The following FAT4 variants were observed in gnomAD, a reference collection of about 807,000 sequenced individuals.
FAT4 encodes the protein FAT atypical cadherin 4.
Under a neutral mutation model 303.9 loss-of-function variants are expected in FAT4, and 84 were observed. The ratio of observed to expected loss-of-function variants is 0.28; its 90% confidence interval spans 0.23 to 0.33. The LOEUF is 0.33. Ranked by LOEUF, FAT4 falls within the 10% of genes least tolerant of loss-of-function variation. The pLI is 1.00. For missense variants in FAT4, 6,005 were observed against 6,146.8 expected, an observed-to-expected ratio of 0.98 and a Z score of 0.77; for synonymous variants, 2,307 against 2,298.8, an observed-to-expected ratio of 1.00 and a Z score of -0.10.
intron 12 of FAT4, among the ~76,000 whole-genome samples, chr4:125,469,947 T>C (rs1726800963): frequency 6.6e-6 from 1 of 152,188 alleles, no homozygotes; most frequent in African/African-American, 2.4e-5. Context: ...TCATCATCTG[T>C]GGCAGCTATA....
intron 2 of FAT4, among the ~76,000 whole-genome samples, chr4:125,335,026 C>A (rs115595746): frequency 6.6e-6 from 1 of 151,980 alleles, no homozygotes; most frequent in Admixed American, 6.6e-5. Context: ...AATTCCAGAG[C>A]CTGGCAGATT....
In FAT4 at chr4:125,320,666, A is replaced by G; in HGVS notation, c.4255A>G (p.Ser1419Gly). The G allele has an allele frequency of 6.2e-7, 1 of 1,613,878 alleles. No individual in the cohort carries two copies. Among genetic ancestry groups the G allele is most frequent in the Non-Finnish European group, 8.5e-7 (1 of 1,179,768 alleles). ...GAGGGACTTTAATGACAATCCTCCT[A>G]GCTTTCCTCCTGGAGATATTTTCAA... ...HVRDFNDNPPSFPPGDIFKSI... is the reference protein window; with the variant it reads ...HVRDFNDNPPGFPPGDIFKSI... The change falls in exon 2 of 18, where the codon AGC (serine) becomes GGC (glycine). Residue 1419 changes from serine (S) to glycine (G), a missense_variant. Physicochemically the swap from Ser to Gly is moderately conservative, Grantham distance 56 (BLOSUM62 0). Coordinates refer to ENST00000394329, the MANE Select transcript of FAT4 (RefSeq NM_001291303.3).
In FAT4 at chr4:125,438,075, G is replaced by A. The variant is rs187814015; in HGVS notation, c.7199+3650G>A. On this transcript the variant is annotated intron_variant, in intron 8 of 17. Transcript: ENST00000394329. Reference sequence around the variant, plus strand: ...TTTTGGAAGAGATGCCCTATCTATTGTAATGTTATAATCTAATAATTCTTT... The same window carrying A: ...TTTTGGAAGAGATGCCCTATCTATTATAATGTTATAATCTAATAATTCTTT... 2.0e-3 allele frequency among the ~76,000 whole-genome samples: 311 copies of A among 152,224 alleles called. 2 individuals are homozygous for A. The highest frequency in any genetic ancestry group is 6.8e-3 in the African/African-American group (283 of 41,550).
rs770626489 is a variant in FAT4 at position 125,321,066 on chromosome 4, C to T, written c.4655C>T (p.Ala1552Val). The change falls in exon 2 of 18, where the codon GCT becomes GTT. Residue 1552 changes from alanine (A) to valine (V), a missense_variant. By Grantham distance (64) the Ala-to-Val change is moderately conservative (BLOSUM62 0). Coordinates refer to ENST00000394329, the MANE Select transcript of FAT4 (RefSeq NM_001291303.3). Reference protein sequence around the residue: ...VIGSVLTTIMAADPDEGANGE... With the variant: ...VIGSVLTTIMVADPDEGANGE... ...GGTTCCGTTCTGACAACAATTATGG[C>T]TGCTGACCCAGATGAAGGTGCTAAT... is the stretch of plus-strand genomic sequence containing the variant. The T allele has an allele frequency of 6.8e-6, 11 of 1,614,056 alleles. No homozygotes were observed. In the Admixed American group the frequency reaches 1.0e-4, roughly 15 times the overall value.
chr4:125,447,565 A>C (rs1725868436), intron 9 of FAT4, among the ~76,000 whole-genome samples: 1 of 152,124 alleles, frequency 6.6e-6, no homozygotes, highest in Non-Finnish European at 1.5e-5. Context: ...ATGTAAAATG[A>C]GGTATGCTTA....
At position 125,489,961 on chromosome 4, in the gene FAT4, G is replaced by T. The variant is rs749497864; in HGVS notation, c.13145G>T (p.Gly4382Val). The change falls in exon 18 of 18, where the codon GGG (glycine) becomes GTG (valine). Residue 4382 changes from glycine to valine, a missense_variant. Transcript: ENST00000394329. ...WYGGESLPFS[G>V]KHSLASISKT... ...GGTGGAGAAAGTCTTCCTTTCAGCG[G>T]GAAGCATAGCTTGGCCTCCATCTCA... The T allele has an allele frequency of 3.1e-6, 5 of 1,600,406 alleles. No individual in the cohort carries two copies. The highest frequency in any genetic ancestry group is 4.3e-6 in the Non-Finnish European group (5 of 1,175,976).
intron 2 of FAT4, among the ~76,000 whole-genome samples, chr4:125,385,597 T>C (rs553309041): frequency 6.6e-6 from 1 of 152,238 alleles, no homozygotes; most frequent in South Asian, 2.1e-4. Flanking sequence ...CATAGTTATA[T>C]AGTCATAAAT....
intron 2 of FAT4, among the ~76,000 whole-genome samples, chr4:125,344,711 C>T (rs1731931866): frequency 6.6e-6 from 1 of 152,052 alleles, no homozygotes. Flanking sequence ...CTTTGGTTGC[C>T]TTCCAGGTAG....
chr4:125,468,086 C>G (rs909600313), intron 11 of FAT4, among the ~76,000 whole-genome samples: 1 of 152,032 alleles, frequency 6.6e-6, no homozygotes, highest in South Asian at 2.1e-4. Context: ...ATCGCTTGAA[C>G]CCAGTAGGCA....
In FAT4 at chr4:125,448,845, A is replaced by G; in HGVS notation, c.7835A>G (p.Asn2612Ser). The G allele has an allele frequency of 6.2e-7, 1 of 1,608,510 alleles. No individual in the cohort carries two copies. The highest frequency in any genetic ancestry group is 8.5e-7 in the Non-Finnish European group (1 of 1,179,482). Residue 2612 changes from asparagine to serine, a missense_variant, in exon 10 of 18, where the codon AAT becomes AGT. By Grantham distance (46) the Asn-to-Ser change is conservative. Coordinates refer to ENST00000394329, the MANE Select transcript of FAT4 (RefSeq NM_001291303.3). ...SYYIASGNLG[N>S]TFQIDQLTGQ... ...TATATCGCAAGTGGGAATCTTGGCA[A>G]TACTTTCCAGATTGATCAGTTAACA...
In FAT4 at chr4:125,490,017, C is replaced by A; in HGVS notation, c.13201C>A (p.Arg4401Ser). The A allele has an allele frequency of 6.2e-7, 1 of 1,613,950 alleles. No individual in the cohort carries two copies. The highest frequency in any genetic ancestry group is 8.5e-7 in the Non-Finnish European group (1 of 1,179,988). ...AGATCCCTCAGTGAAGATTGGCTGC[C>A]GTGGCCCGAACATTTGTGCCAGCAA... ...KTDPSVKIGC[R>S]GPNICASNPC... Residue 4401 changes from arginine to serine, a missense_variant, in exon 18 of 18, where the codon CGT becomes AGT. Coordinates refer to ENST00000394329, the MANE Select transcript of FAT4 (RefSeq NM_001291303.3).
At chr4:125,414,510 A>T (rs1734963227) in intron 5 of FAT4, among the ~76,000 whole-genome samples, 1 of 152,128 alleles carries the variant, frequency 6.6e-6, no homozygotes, top group Non-Finnish European at 1.5e-5. Flanking sequence ...CATACATCAG[A>T]ACATTTTATT....
At chr4:125,347,413 A>G (rs998134139) in intron 2 of FAT4, among the ~76,000 whole-genome samples, 3 of 151,460 alleles carry the variant, frequency 2.0e-5, no homozygotes, top group African/African-American at 4.8e-5. Context: ...CAGTACATCC[A>G]GTGGAAAAAT....
At position 125,316,510 on chromosome 4, in the gene FAT4, G is replaced by A. The variant is rs1312859447; in HGVS notation, c.99G>A (p.Leu33=). The change falls in exon 2 of 18, where the codon TTG becomes TTA. Residue 33 remains leucine, a synonymous_variant. Transcript: ENST00000394329. The surrounding 1 kb of genome is among the most constrained non-coding windows in gnomAD (Gnocchi z 5.7). ...QLLRVFWLLS[L]LPGQAWVHGA... is the part of the protein sequence containing the mutation. The stretch of plus-strand genomic sequence containing the variant: ...TTCGAGTGTTTTGGCTACTGTCATT[G>A]CTTCCGGGGCAGGCCTGGGTCCACG... 5 of 1,613,800 alleles carry A rather than the reference G, an allele frequency of 3.1e-6. No individual in the cohort carries two copies. Among genetic ancestry groups the A allele is most frequent in the Non-Finnish European group, 4.2e-6 (5 of 1,180,032 alleles).
intron 8 of FAT4, among the ~76,000 whole-genome samples, chr4:125,435,608 C>T (rs1251445483): frequency 6.6e-6 from 1 of 152,106 alleles, no homozygotes; most frequent in Non-Finnish European, 1.5e-5. Context: ...TAAGAAATGA[C>T]CTTTAAGCTG....
Position 125,491,135 on chromosome 4 carries a change from G to A in FAT4, c.14319G>A (p.Lys4773=). 1 of 1,614,166 alleles carries A rather than the reference G, an allele frequency of 6.2e-7. No homozygotes were observed. The highest frequency in any genetic ancestry group is 8.5e-7 in the Non-Finnish European group (1 of 1,180,026). Residue 4773 remains lysine, a synonymous_variant, in exon 18 of 18, where the codon AAG becomes AAA. Coordinates refer to ENST00000394329, the MANE Select transcript of FAT4 (RefSeq NM_001291303.3). Reference sequence around the variant, plus strand: ...GTTCTAGACCAGGGAGTCGCCTAAAGCAGCCGATTGGGCAGATTCCACTGG... The same window carrying A: ...GTTCTAGACCAGGGAGTCGCCTAAAACAGCCGATTGGGCAGATTCCACTGG... ...SHGSRPGSRL[K]QPIGQIPLES...
chr4:125,316,453 C>G lies in FAT4; in HGVS notation c.42C>G (p.Leu14=), dbSNP rs776734172. ...ACAGGGCTACTGGCCGCCCGTGGCT[C>G]CCGTTGCACACTCTATCAGTATCTC... ...APDRATGRPW[L]PLHTLSVSQL... Residue 14 remains leucine (L), a synonymous_variant, in exon 2 of 18, where the codon CTC becomes CTG. Transcript: ENST00000394329. This position sits in a 1 kb window ranked among gnomAD's most constrained non-coding sequence, Gnocchi z 5.7. 9.9e-6 allele frequency: 16 copies of G among 1,613,420 alleles called. No homozygotes were observed. Among genetic ancestry groups the G allele is most frequent in the Non-Finnish European group, 1.4e-5 (16 of 1,179,764 alleles).
intron 10 of FAT4, among the ~76,000 whole-genome samples, chr4:125,462,992 C>T (rs1726532545): frequency 6.6e-6 from 1 of 151,932 alleles, no homozygotes. Flanking sequence ...AGACAAAAGA[C>T]AAAGTATACA....
Position 125,446,287 on chromosome 4 carries a change from C to T in FAT4, c.7200-6C>T, listed in dbSNP as rs1725823902. On this transcript the variant is annotated splice_polypyrimidine_tract_variant and splice_region_variant and intron_variant, in intron 8 of 17. Coordinates refer to ENST00000394329, the MANE Select transcript of FAT4 (RefSeq NM_001291303.3). ...GACATATCCCTATTTCTGCTTTCTG[C>T]TTTAGTTATAGGATCATCGGTGGAA... 1.2e-6 allele frequency: 2 copies of T among 1,608,140 alleles called. No individual in the cohort carries two copies. The highest frequency in any genetic ancestry group is 2.2e-5 in the South Asian group (2 of 90,730).
Sources: gnomAD v4.1 joint callset for allele counts (sites outside exome capture counted in the v4.1 genomes callset) on GRCh38, gnomAD v4.1.1 for gene constraint, Gnocchi (gnomAD v3.1) non-coding constraint, MANE v1.5 for transcripts, NCBI Gene and HGNC (gene_info 2026-07-23, HGNC 2026-07-21) for gene names.